RIC1: variants seen among roughly 807,000 people sequenced by gnomAD.
The protein encoded by RIC1 is RIC1 partner of RAB6A GEF complex, also known as guanine nucleotide exchange factor subunit RIC1.
In RIC1, 88 loss-of-function variants were observed where a neutral mutation model predicts 169.0. The ratio of observed to expected loss-of-function variants is 0.52; its 90% CI spans 0.44 to 0.62. The LOEUF is 0.62. RIC1 is among the 20% of genes least tolerant of loss of function. RIC1 has a pLI of 0.00. For synonymous variants in RIC1, 790 were observed against 601.5 expected (o/e 1.31, Z -4.59); for missense variants, 1,877 against 1,725.5 (o/e 1.09, Z -1.56).
intron 2 of RIC1, among the ~76,000 whole-genome samples, chr9:5,670,533 G>A (rs916735350): frequency 6.6e-6 from 1 of 152,098 alleles, no homozygotes; most frequent in Non-Finnish European, 1.5e-5. Flanking sequence ...ATATTACTGT[G>A]CAGTAGAATT....
At chr9:5,769,394 A>G in intron 22 of RIC1, 138 bp downstream of exon 22, 8 of 1,580,242 alleles carry the variant, frequency 5.1e-6, no homozygotes, top group Non-Finnish European at 6.0e-6. Flanking sequence ...CTTTTTGTAC[A>G]TGAGTTGGAA....
intron 2 of RIC1, among the ~76,000 whole-genome samples, chr9:5,664,189 A>C (rs10758697): frequency 0.34 from 51,416 of 151,818 alleles, 9,170 homozygotes; most frequent in East Asian, 0.6. Context: ...GCGGGCGGAT[A>C]ACGAGGTCAA....
At position 5,763,745 on chromosome 9, in the gene RIC1, G is replaced by A. The variant is rs1826490521; in HGVS notation, c.2718G>A (p.Arg906=). The A allele has an allele frequency of 1.9e-6, 3 of 1,614,170 alleles. No individual in the cohort carries two copies. Among genetic ancestry groups the A allele is most frequent in the Non-Finnish European group, 2.5e-6 (3 of 1,180,020 alleles). The stretch of plus-strand genomic sequence containing the variant: ...TGCAGACAGTTGTCCATTGTGCCAG[G>A]AAGACCGAATATGCCCTGTGGAATT... ...LFLQTVVHCA[R]KTEYALWNYL... Residue 906 remains arginine (R), a synonymous_variant, in exon 19 of 26, where the codon AGG becomes AGA. Coordinates refer to ENST00000414202, the MANE Select transcript of RIC1 (RefSeq NM_020829.4). This position sits in a 1 kb window ranked among gnomAD's most constrained non-coding sequence, Gnocchi z 5.2.
intron 2 of RIC1, among the ~76,000 whole-genome samples, chr9:5,670,200 G>A (rs906312744): frequency 6.6e-6 from 1 of 152,206 alleles, no homozygotes; most frequent in Non-Finnish European, 1.5e-5. Context: ...GGGAAAAATT[G>A]GCTGTGGAGT....
chr9:5,769,083 C>A lies in RIC1; in HGVS notation c.3251C>A (p.Ala1084Asp). 6.2e-7 allele frequency: 1 copy of A among 1,614,072 alleles called. No individual in the cohort carries two copies. Among genetic ancestry groups the A allele is most frequent in the Non-Finnish European group, 8.5e-7 (1 of 1,179,980 alleles). ...VRLKDLGCFAAQLGFELISWL... is the reference protein window; with the variant it reads ...VRLKDLGCFADQLGFELISWL... ...TTAAAGGACCTTGGCTGCTTTGCAG[C>A]CCAGCTGGGCTTTGAACTAATTAGT... Residue 1084 changes from alanine (A) to aspartate (D), a missense_variant, in exon 22 of 26, where the codon GCC becomes GAC. Physicochemically the swap from Ala to Asp is moderately radical, Grantham distance 126 (BLOSUM62 -2). Coordinates refer to ENST00000414202, the MANE Select transcript of RIC1 (RefSeq NM_020829.4).
chr9:5,731,039 A>C (rs1313061294), intron 6 of RIC1, among the ~76,000 whole-genome samples: 2 of 152,090 alleles, frequency 1.3e-5, no homozygotes, highest in Admixed American at 6.5e-5. Flanking sequence ...TTATAGGGAA[A>C]CCTGTTTAAT....
intron 1 of RIC1, among the ~76,000 whole-genome samples, chr9:5,646,347 T>A (rs1379081116): frequency 6.6e-6 from 1 of 152,196 alleles, no homozygotes; most frequent in Admixed American, 6.5e-5. Flanking sequence ...ACAGTTATGC[T>A]CCATGTAATG....
intron 12 of RIC1, among the ~76,000 whole-genome samples, chr9:5,751,180 A>G (rs1170343727): frequency 6.6e-6 from 1 of 151,758 alleles, no homozygotes. Context: ...TGAGGGAGGT[A>G]AGGATTCCTT....
Position 5,774,485 on chromosome 9 carries a change from A to G in RIC1, c.*239A>G. 2.8e-6 allele frequency: 1 copy of G among 351,322 alleles called. No individual in the cohort carries two copies. The highest frequency in any genetic ancestry group is 5.1e-6 in the Non-Finnish European group (1 of 196,268). The allele number at this position is 351,322 out of a possible 1,614,324, so 21.8% of individuals were successfully genotyped here. On this transcript the variant is annotated 3_prime_UTR_variant, in exon 26 of 26. Transcript: ENST00000414202. ...GCAGTGAAAAGTAAATATTGTACAG[A>G]TGTACATGAGAATATTTTGGTTTTA...
intron 2 of RIC1, among the ~76,000 whole-genome samples, chr9:5,658,007 G>A (rs1177609057): frequency 1.3e-5 from 2 of 152,110 alleles, no homozygotes; most frequent in Non-Finnish European, 2.9e-5. Context: ...CTTACAGCAA[G>A]TGTATGTGGT....
chr9:5,764,335 G>A (rs1176126211), intron 19 of RIC1, among the ~76,000 whole-genome samples: 1 of 152,184 alleles, frequency 6.6e-6, no homozygotes, highest in Non-Finnish European at 1.5e-5. Flanking sequence ...TCATAACAGA[G>A]CACCTTGAGC....
chr9:5,758,285 T>A (rs1826125674), intron 17 of RIC1, among the ~76,000 whole-genome samples: 1 of 152,194 alleles, frequency 6.6e-6, no homozygotes, highest in Non-Finnish European at 1.5e-5. Context: ...TTCAGTGGTT[T>A]CTAAACTTCA....
rs1819357739 is a variant in RIC1 at position 5,660,086 on chromosome 9, A to T, written c.252+3396A>T. The stretch of plus-strand genomic sequence containing the variant: ...TGTTCTCATCATTCAGCTCCCACTT[A>T]TAAGTGAAAACATGTGGTATTTGAT... On this transcript the variant is annotated intron_variant, in intron 2 of 25. Coordinates refer to ENST00000414202, the MANE Select transcript of RIC1 (RefSeq NM_020829.4). Among the ~76,000 whole-genome samples the T allele has an allele frequency of 3.9e-5, 6 of 152,248 alleles. No individual in the cohort carries two copies. The South Asian group carries it at 1.2e-3, about 32-fold the overall frequency.
intron 22 of RIC1, chr9:5,769,702 T>A (rs1042025799): frequency 1.6e-5 from 4 of 252,426 alleles, no homozygotes; most frequent in South Asian, 8.1e-5. Flanking sequence ...TAAAGTTTTT[T>A]AATTCAGGAC....
At chr9:5,760,680 A>G (rs1586705235) in intron 17 of RIC1, among the ~76,000 whole-genome samples, 1 of 152,196 alleles carries the variant, frequency 6.6e-6, no homozygotes, top group East Asian at 1.9e-4. Context: ...TTCCATGTTC[A>G]CTTCTCATAC....
intron 2 of RIC1, among the ~76,000 whole-genome samples, chr9:5,676,401 C>G (rs1481397245): frequency 6.6e-6 from 1 of 152,044 alleles, no homozygotes; most frequent in Non-Finnish European, 1.5e-5. Flanking sequence ...TGGGAGGTGT[C>G]TATGTTCTAG....
intron 2 of RIC1, among the ~76,000 whole-genome samples, chr9:5,657,139 A>G (rs572207598): frequency 6.6e-6 from 1 of 152,238 alleles, no homozygotes; most frequent in South Asian, 2.1e-4. Context: ...ACATATTCAC[A>G]TGATATTCTT....
intron 3 of RIC1, among the ~76,000 whole-genome samples, chr9:5,697,423 C>T (rs1821968965): frequency 6.6e-6 from 1 of 152,080 alleles, no homozygotes; most frequent in South Asian, 2.1e-4. Context: ...TCTCTTGTTT[C>T]TGGGCACTAG....
chr9:5,678,605 T>C (rs1031096262), intron 2 of RIC1, among the ~76,000 whole-genome samples: 2 of 152,200 alleles, frequency 1.3e-5, no homozygotes, highest in African/African-American at 4.8e-5. Context: ...CCAGTGATGA[T>C]GAGCATTTTT....
Sources: gnomAD v4.1 joint callset for allele counts (sites outside exome capture counted in the v4.1 genomes callset) on GRCh38, gnomAD v4.1.1 for gene constraint, Gnocchi (gnomAD v3.1) non-coding constraint, MANE v1.5 for transcripts, NCBI Gene and HGNC (gene_info 2026-07-23, HGNC 2026-07-21) for gene names.